SNTB2: variants seen among roughly 807,000 people sequenced by gnomAD.
SNTB2 encodes the protein beta-2-syntrophin.
In SNTB2, 34 loss-of-function variants were observed where a neutral mutation model predicts 46.2. The ratio of observed to expected loss-of-function variants is 0.74; its 90% CI spans 0.56 to 0.98. SNTB2 has a LOEUF of 0.98. Among genes scored for constraint, SNTB2 ranks in the 50% least tolerant of loss-of-function variants. SNTB2 has a pLI of 0.00. For missense variants in SNTB2, 603 were observed against 731.4 expected, an observed-to-expected ratio of 0.82 and a Z score of 2.02; for synonymous variants, 290 against 312.6, an observed-to-expected ratio of 0.93 and a Z score of 0.76.
intron 4 of SNTB2, 40 bp downstream of exon 4, chr16:69,270,325 T>C: frequency 3.1e-6 from 5 of 1,609,556 alleles, no homozygotes; most frequent in Non-Finnish European, 3.4e-6. Context: ...ATATTTATCC[T>C]ACTCTAAATC....
chr16:69,193,819 A>G lies in SNTB2; in HGVS notation c.580+6073A>G, dbSNP rs577059974. ...GGGACTTCAGGAAGAGCTGCGCCTC[A>G]GAAATGTCACAAACCCAAGGCAGTG... On this transcript the variant is annotated intron_variant, in intron 1 of 6. Transcript: ENST00000336278. Among the ~76,000 whole-genome samples the G allele has an allele frequency of 1.3e-3, 201 of 152,298 alleles. 1 individual carries two copies. Among genetic ancestry groups the G allele is most frequent in the African/African-American group, 4.5e-3 (189 of 41,578 alleles).
chr16:69,239,108 A>T (rs1964585877), intron 1 of SNTB2, among the ~76,000 whole-genome samples: 1 of 152,072 alleles, frequency 6.6e-6, no homozygotes, highest in Non-Finnish European at 1.5e-5. Context: ...CTGTCCTAAC[A>T]CTGTCTCCCT....
chr16:69,213,101 A>G (rs116904456), intron 1 of SNTB2, among the ~76,000 whole-genome samples: 3,020 of 152,268 alleles, frequency 0.02, 27 homozygotes, highest in Non-Finnish European at 0.026. Context: ...TTTTTTAATC[A>G]TTAAGACCTC....
intron 1 of SNTB2, among the ~76,000 whole-genome samples, chr16:69,230,762 T>TG (rs1964499064): frequency 1.3e-5 from 2 of 151,340 alleles, no homozygotes; most frequent in Admixed American, 6.6e-5. Context: ...TTTTTTTTTT[T>TG]GAGACAGAGT....
At chr16:69,260,319 C>T in intron 3 of SNTB2, 59 bp downstream of exon 3, 4 of 1,480,394 alleles carry the variant, frequency 2.7e-6, no homozygotes, top group Non-Finnish European at 3.7e-6. Context: ...AGGATGGTTC[C>T]TCATTTAATA....
chr16:69,198,655 A>G lies in SNTB2; in HGVS notation c.580+10909A>G, dbSNP rs369232558. Among the ~76,000 whole-genome samples, 126 of 152,294 alleles carry G rather than the reference A, an allele frequency of 8.3e-4. 1 individual carries two copies. The South Asian group carries it at 0.016, about 20-fold the overall frequency. ...TCTCCAAACATCTGGATGTAGTTAC[A>G]AAAATTACCTGATTTTTCTTGGGAA... On this transcript the variant is annotated intron_variant, in intron 1 of 6. Transcript: ENST00000336278.
intron 4 of SNTB2, among the ~76,000 whole-genome samples, chr16:69,278,416 T>C (rs1490518344): frequency 6.6e-6 from 1 of 152,066 alleles, no homozygotes. Context: ...ATTACTTTTC[T>C]TATGGTTTTC....
chr16:69,224,354 G>A (rs547822779), intron 1 of SNTB2, among the ~76,000 whole-genome samples: 1 of 151,948 alleles, frequency 6.6e-6, no homozygotes, highest in Non-Finnish European at 1.5e-5. Flanking sequence ...TGGAATTACA[G>A]GCTCGCGCCA....
chr16:69,217,140 C>T lies in SNTB2; in HGVS notation c.581-28462C>T, dbSNP rs139359850. ...TAACGGTAAAGTAATAAAATGTAGC[C>T]TTCTGTTAGATTATTAGCCAAGGCA... is the stretch of plus-strand genomic sequence containing the variant. On this transcript the variant is annotated intron_variant, in intron 1 of 6. Coordinates refer to ENST00000336278, the MANE Select transcript of SNTB2 (RefSeq NM_006750.4). Among the ~76,000 whole-genome samples the T allele has an allele frequency of 1.4e-4, 21 of 152,228 alleles. No homozygotes were observed. The East Asian group carries it at 3.5e-3, about 25-fold the overall frequency.
At chr16:69,274,838 C>T (rs1168144013) in intron 4 of SNTB2, among the ~76,000 whole-genome samples, 4 of 151,926 alleles carry the variant, frequency 2.6e-5, no homozygotes, top group Non-Finnish European at 1.5e-5. Flanking sequence ...TTTGATCTGC[C>T]ACCAATTTTT....
Position 69,296,735 on chromosome 16 carries a change from A to C in SNTB2, c.1346-2855A>C, listed in dbSNP as rs111280564. Among the ~76,000 whole-genome samples, 778 of 150,544 alleles carry C rather than the reference A, an allele frequency of 5.2e-3. 9 individuals are homozygous for C. Among genetic ancestry groups the C allele is most frequent in the African/African-American group, 0.017 (691 of 40,868 alleles). On this transcript the variant is annotated intron_variant, in intron 5 of 6. Coordinates refer to ENST00000336278, the MANE Select transcript of SNTB2 (RefSeq NM_006750.4). ...ACTCTGTCTCAAAAAAAAAAAAAAG[A>C]AAAAAGAAATCTCAGGGGCCAAGCA... is the stretch of plus-strand genomic sequence containing the variant.
At chr16:69,243,785 T>C (rs1964641724) in intron 1 of SNTB2, among the ~76,000 whole-genome samples, 1 of 152,282 alleles carries the variant, frequency 6.6e-6, no homozygotes, top group South Asian at 2.1e-4. Flanking sequence ...TAAAAAAATC[T>C]CCTTGGTGAC....
Position 69,210,612 on chromosome 16 carries a change from C to T in SNTB2, c.580+22866C>T, listed in dbSNP as rs890167940. ...GCAGTAGTGTGATCAGCTTGGAACT[C>T]CTGGGCTCTAGGGATCCTCCCACCT... is the stretch of plus-strand genomic sequence containing the variant. On this transcript the variant is annotated intron_variant, in intron 1 of 6. Transcript: ENST00000336278. Among the ~76,000 whole-genome samples the T allele has an allele frequency of 3.9e-5, 6 of 152,084 alleles. No individual in the cohort carries two copies. In the South Asian group the frequency reaches 1.0e-3, roughly 26 times the overall value.
chr16:69,260,274 C>G lies in SNTB2; in HGVS notation c.1005+14C>G, dbSNP rs1964822894. 2 of 1,612,270 alleles carry G rather than the reference C, an allele frequency of 1.2e-6. No individual in the cohort carries two copies. The highest frequency in any genetic ancestry group is 2.2e-5 in the South Asian group (2 of 91,006). ...CTGGCAGAACAGGTAGGCTGGGAGG[C>G]AGGGCAGAGTATCACCTGGTTCCCA... On this transcript the variant is annotated intron_variant, in intron 3 of 6. Transcript: ENST00000336278.
chr16:69,235,063 G>T (rs1964544715), intron 1 of SNTB2, among the ~76,000 whole-genome samples: 1 of 152,062 alleles, frequency 6.6e-6, no homozygotes, highest in South Asian at 2.1e-4. Context: ...CCAGGCTGGA[G>T]TGTGTGGTGC....
chr16:69,273,716 A>G (rs1218774860), intron 4 of SNTB2, among the ~76,000 whole-genome samples: 1 of 152,188 alleles, frequency 6.6e-6, no homozygotes, highest in African/African-American at 2.4e-5. Flanking sequence ...TTAATAATTC[A>G]GTTATTTAAA....
At chr16:69,287,791 G>A (rs562801158) in intron 5 of SNTB2, among the ~76,000 whole-genome samples, 4 of 152,010 alleles carry the variant, frequency 2.6e-5, no homozygotes, top group East Asian at 1.9e-4. Context: ...CCTGGGAGGC[G>A]GAGTCTGCAG....
At chr16:69,191,766 A>C (rs554846087) in intron 1 of SNTB2, among the ~76,000 whole-genome samples, 4 of 151,726 alleles carry the variant, frequency 2.6e-5, no homozygotes, top group Non-Finnish European at 5.9e-5. Flanking sequence ...TCAGCCTCCC[A>C]AGTAGCTGGG....
intron 2 of SNTB2, among the ~76,000 whole-genome samples, chr16:69,246,133 C>T (rs983592532): frequency 6.6e-6 from 1 of 152,080 alleles, no homozygotes; most frequent in Non-Finnish European, 1.5e-5. Context: ...TTACTTTTTT[C>T]ACTATGAATA....
Sources: allele counts gnomAD v4.1 joint callset (sites outside exome capture counted in the v4.1 genomes callset), GRCh38; gene constraint gnomAD v4.1.1; transcripts MANE v1.5; gene names NCBI Gene and HGNC (gene_info 2026-07-23, HGNC 2026-07-21).